MSI2: variants seen among roughly 807,000 people sequenced by gnomAD.
MSI2 encodes RNA-binding protein Musashi homolog 2.
Under a neutral mutation model 45.6 loss-of-function variants are expected in MSI2, and 17 were observed. The ratio of observed to expected loss-of-function variants is 0.37; its 90% CI spans 0.26 to 0.56. The LOEUF (loss-of-function observed/expected upper bound fraction) is 0.56, where lower values mean the gene tolerates loss of function less well. MSI2 is among the 20% of genes least tolerant of loss of function. The pLI is 0.77. For synonymous variants in MSI2, 156 were observed against 158.2 expected (o/e 0.99, Z 0.11); for missense variants, 293 against 444.2 (o/e 0.66, Z 3.06).
chr17:57,603,788 T>C (rs1906193495), intron 8 of MSI2, among the ~76,000 whole-genome samples: 1 of 152,278 alleles, frequency 6.6e-6, no homozygotes, highest in African/African-American at 2.4e-5. Context: ...TTTGGCCTGC[T>C]GGCCACAGTT....
At chr17:57,649,935 T>C (rs1322794317) in intron 10 of MSI2, among the ~76,000 whole-genome samples, 2 of 152,200 alleles carry the variant, frequency 1.3e-5, no homozygotes, top group Non-Finnish European at 2.9e-5. Flanking sequence ...CTGCCCGTGC[T>C]GTGTGAGGGA....
intron 5 of MSI2, among the ~76,000 whole-genome samples, chr17:57,287,832 G>A (rs1326851005): frequency 5.3e-5 from 8 of 152,198 alleles, no homozygotes; most frequent in African/African-American, 1.9e-4. Flanking sequence ...TGTGCGTAAG[G>A]AGTGCAAGGA....
At chr17:57,450,299 G>GAAAGAAAGAAAGAAAGAAAGA (rs2084987244) in intron 6 of MSI2, 1 of 143,166 alleles carries the variant, frequency 7.0e-6, no homozygotes, top group African/African-American at 2.6e-5. Flanking sequence ...AAGAAAGAAA[G>GAAAGAAAGAAAGAAAGAAAGA]AAAGAAAGAA....
intron 7 of MSI2, among the ~76,000 whole-genome samples, chr17:57,555,366 C>CTTCT (rs1233663087): frequency 6.6e-6 from 1 of 152,190 alleles, no homozygotes; most frequent in Non-Finnish European, 1.5e-5. Flanking sequence ...TGATTCTGGT[C>CTTCT]GTGCCAAGTT....
intron 8 of MSI2, among the ~76,000 whole-genome samples, chr17:57,602,675 C>G (rs1906038348): frequency 6.6e-6 from 1 of 152,162 alleles, no homozygotes; most frequent in Admixed American, 6.5e-5. Flanking sequence ...TTTAAATAGT[C>G]CTTTTTCTTA....
chr17:57,502,602 G>GATAGATAGATAT (rs1190802566), intron 6 of MSI2, among the ~76,000 whole-genome samples: 2 of 54,416 alleles, frequency 3.7e-5, no homozygotes, highest in African/African-American at 1.2e-4. Context: ...ATGACTCTGA[G>GATAGATAGATAT]ATATATATAT....
chr17:57,591,916 C>T (rs1385513188), intron 7 of MSI2, among the ~76,000 whole-genome samples: 1 of 151,184 alleles, frequency 6.6e-6, no homozygotes, highest in African/African-American at 2.4e-5. Context: ...CACATTGGCT[C>T]AATCCCAGCA....
chr17:57,318,169 G>C lies in MSI2; in HGVS notation c.312+55977G>C, dbSNP rs374003106. On this transcript the variant is annotated intron_variant, in intron 5 of 13. Coordinates refer to ENST00000284073, the MANE Select transcript of MSI2 (RefSeq NM_138962.4). The stretch of plus-strand genomic sequence containing the variant: ...GTCTCAAAAATAAAATAAAATGGAA[G>C]GTGGAAGGTGAGAAGGTGAGAAGGT... 1.2e-4 allele frequency among the ~76,000 whole-genome samples: 18 copies of C among 151,720 alleles called. No homozygotes were observed. The South Asian group carries it at 3.6e-3, about 30-fold the overall frequency.
chr17:57,578,446 C>T (rs2088109913), intron 7 of MSI2, among the ~76,000 whole-genome samples: 1 of 151,900 alleles, frequency 6.6e-6, no homozygotes, highest in African/African-American at 2.4e-5. Flanking sequence ...TTCCTACTGG[C>T]CTTGCCTTTC....
At chr17:57,589,132 G>A (rs376424096) in intron 7 of MSI2, among the ~76,000 whole-genome samples, 11 of 152,202 alleles carry the variant, frequency 7.2e-5, no homozygotes, top group South Asian at 4.2e-4. Context: ...ATTGGCACCC[G>A]GATGTAAAAG....
chr17:57,346,846 A>G (rs1191374150), intron 5 of MSI2, among the ~76,000 whole-genome samples: 1 of 152,130 alleles, frequency 6.6e-6, no homozygotes, highest in African/African-American at 2.4e-5. Context: ...AGCTCAAGCA[A>G]TCTGCCTGTC....
chr17:57,320,784 A>G (rs1913267404), intron 5 of MSI2, among the ~76,000 whole-genome samples: 1 of 152,120 alleles, frequency 6.6e-6, no homozygotes, highest in Non-Finnish European at 1.5e-5. Context: ...TGTCTTTGCA[A>G]CCAAGCAAAG....
intron 6 of MSI2, among the ~76,000 whole-genome samples, chr17:57,437,496 T>C (rs1375037727): frequency 2.0e-5 from 3 of 152,134 alleles, no homozygotes; most frequent in Non-Finnish European, 4.4e-5. Flanking sequence ...GTTGAATTAT[T>C]GGGGACATGC....
chr17:57,573,006 A>T (rs893096694), intron 7 of MSI2, among the ~76,000 whole-genome samples: 1 of 152,224 alleles, frequency 6.6e-6, no homozygotes, highest in Admixed American at 6.5e-5. Context: ...AGGATCCCAC[A>T]TGGGCACAGT....
At chr17:57,256,924 C>T in intron 1 of MSI2, 120 bp downstream of exon 1, 1 of 491,186 alleles carries the variant, frequency 2.0e-6, no homozygotes, top group East Asian at 6.2e-5. Flanking sequence ...GCGCGCCCCC[C>T]CCGTGGAAGT....
chr17:57,288,892 C>T (rs755688971), intron 5 of MSI2, among the ~76,000 whole-genome samples: 4 of 152,130 alleles, frequency 2.6e-5, no homozygotes, highest in Admixed American at 6.5e-5. Flanking sequence ...TTAGCGGCAT[C>T]CCCGGCCTCT....
intron 7 of MSI2, among the ~76,000 whole-genome samples, chr17:57,564,272 G>A (rs1180958711): frequency 6.6e-6 from 1 of 152,182 alleles, no homozygotes; most frequent in East Asian, 1.9e-4. Context: ...CCAGAAGGTC[G>A]CCTTGTAATC....
chr17:57,655,897 G>T (rs1293031565), intron 11 of MSI2, among the ~76,000 whole-genome samples: 1 of 151,916 alleles, frequency 6.6e-6, no homozygotes, highest in Non-Finnish European at 1.5e-5. Flanking sequence ...TTTCGTTTTT[G>T]ATTTTTTTTA....
intron 10 of MSI2, among the ~76,000 whole-genome samples, chr17:57,651,788 C>T (rs1249770324): frequency 2.0e-5 from 3 of 152,222 alleles, no homozygotes; most frequent in Non-Finnish European, 2.9e-5. Flanking sequence ...GATGCACGGC[C>T]AACAGGGAGC....
Sources: allele counts gnomAD v4.1 joint callset (sites outside exome capture counted in the v4.1 genomes callset), GRCh38; gene constraint gnomAD v4.1.1; transcripts MANE v1.5; gene names NCBI Gene and HGNC (gene_info 2026-07-23, HGNC 2026-07-21).